Variants in CDH1 observed in about 807,000 individuals in gnomAD.
The protein encoded by CDH1 is cadherin-1.
Under a neutral mutation model 84.5 loss-of-function variants are expected in CDH1, and 35 were observed. That is an observed-to-expected ratio of 0.41 (90% CI 0.32 to 0.55). The LOEUF (loss-of-function observed/expected upper bound fraction) is 0.55. CDH1 is among the 20% of genes least tolerant of loss of function. The pLI, the probability that CDH1 is intolerant of heterozygous loss-of-function variation, is 0.19. For synonymous variants in CDH1, 417 were observed against 439.0 expected, an observed-to-expected ratio of 0.95 and a Z score of 0.63; for missense variants, 994 against 1,126.6, an observed-to-expected ratio of 0.88 and a Z score of 1.68.
intron 3 of CDH1, 28 bp from the exon 4 acceptor site, chr16:68,808,396 T>C (rs1440763986): frequency 6.2e-7 from 1 of 1,614,016 alleles, no homozygotes; most frequent in Admixed American, 1.7e-5. Flanking sequence ...AATTGTCTTA[T>C]CTTGTTCCTC....
At chr16:68,810,919 T>C (rs1471750657) in intron 6 of CDH1, among the ~76,000 whole-genome samples, 1 of 151,880 alleles carries the variant, frequency 6.6e-6, no homozygotes, top group Non-Finnish European at 1.5e-5. Context: ...TTGTCCAGGC[T>C]ACTTTCAAAC....
chr16:68,738,625 T>A (rs955141041), intron 2 of CDH1, among the ~76,000 whole-genome samples: 1 of 152,190 alleles, frequency 6.6e-6, no homozygotes, highest in African/African-American at 2.4e-5. Context: ...GACTATGTTA[T>A]AAAGAAGAGG....
At chr16:68,794,659 A>G (rs1349048471) in intron 2 of CDH1, among the ~76,000 whole-genome samples, 1 of 150,492 alleles carries the variant, frequency 6.6e-6, no homozygotes, top group Non-Finnish European at 1.5e-5. Context: ...ATCTAGGACT[A>G]CAGGTGCACC....
At chr16:68,824,211 G>A (rs1314106914) in intron 13 of CDH1, among the ~76,000 whole-genome samples, 1 of 151,966 alleles carries the variant, frequency 6.6e-6, no homozygotes, top group Non-Finnish European at 1.5e-5. Context: ...TGGTTAGGCT[G>A]GTCTCAGACT....
At chr16:68,788,191 T>G (rs1258661160) in intron 2 of CDH1, among the ~76,000 whole-genome samples, 2 of 152,184 alleles carry the variant, frequency 1.3e-5, no homozygotes, top group African/African-American at 4.8e-5. Flanking sequence ...TTGGCATTTT[T>G]GGGTGCCTGG....
chr16:68,834,482 G>T lies in CDH1; in HGVS notation c.*983G>T. The T allele has an allele frequency of 6.6e-6, 2 of 303,790 alleles. No homozygotes were observed. Among genetic ancestry groups the T allele is most frequent in the Non-Finnish European group, 1.3e-5 (2 of 157,104 alleles). 18.8% of individuals were successfully genotyped at this position (303,790 alleles called of 1,614,324 possible). On this transcript the variant is annotated 3_prime_UTR_variant, in exon 16 of 16. Coordinates refer to ENST00000261769, the MANE Select transcript of CDH1 (RefSeq NM_004360.5). ...TCCTTCTGCCTTGGCCCCCCAAAGT[G>T]CTGGGATTGTGGGCATGAGCTGCTG... is the stretch of plus-strand genomic sequence containing the variant.
At position 68,801,869 on chromosome 16, in the gene CDH1, C is replaced by T. The variant is rs781427897; in HGVS notation, c.363C>T (p.His121=). ...STKVTLNTVG[H]HHRPPPHQAS... is the part of the protein sequence containing the mutation. ...AAGTCACGCTGAATACAGTGGGGCA[C>T]CACCACCGCCCCCCGCCCCATCAGG... Residue 121 remains histidine, a synonymous_variant, in exon 3 of 16, where the codon CAC becomes CAT. Transcript: ENST00000261769. 1.9e-6 allele frequency: 3 copies of T among 1,614,040 alleles called. No individual in the cohort carries two copies. Among genetic ancestry groups the T allele is most frequent in the Non-Finnish European group, 2.5e-6 (3 of 1,179,886 alleles).
In CDH1 at chr16:68,829,800, A is replaced by G. The variant is rs776613678; in HGVS notation, c.2439+3A>G. 6.2e-7 allele frequency: 1 copy of G among 1,613,712 alleles called. No individual in the cohort carries two copies. The highest frequency in any genetic ancestry group is 1.3e-5 in the African/African-American group (1 of 74,894). ...AAATTGGAAATTTTATTGATGAAGT[A>G]AGTAATCCACGTGGAAAGCCAAAGC... On this transcript the variant is annotated splice_donor_region_variant and intron_variant, in intron 15 of 15. Coordinates refer to ENST00000261769, the MANE Select transcript of CDH1 (RefSeq NM_004360.5).
Position 68,833,589 on chromosome 16 carries a change from T to A in CDH1, c.*90T>A. 1 of 1,009,192 alleles carries A rather than the reference T, an allele frequency of 9.9e-7. No individual in the cohort carries two copies. The highest frequency in any genetic ancestry group is 1.6e-6 in the Non-Finnish European group (1 of 635,976). The allele number at this position is 1,009,192 out of a possible 1,614,324, so 62.5% of individuals were successfully genotyped here. On this transcript the variant is annotated 3_prime_UTR_variant, in exon 16 of 16. Transcript: ENST00000261769. ...GTTTTTCAGCTCCCTTCCCTTGAGA[T>A]GAGTTTCTGGGGAAAAAAAAGAGAC...
chr16:68,808,346 C>G (rs2152129463), intron 3 of CDH1, 78 bp from the exon 4 acceptor site: 2 of 1,478,240 alleles, frequency 1.4e-6, no homozygotes, highest in Non-Finnish European at 1.9e-6. Flanking sequence ...GGGACGCTGT[C>G]TGGCTAGGTT....
intron 2 of CDH1, among the ~76,000 whole-genome samples, chr16:68,774,785 A>G (rs1959681690): frequency 6.6e-6 from 1 of 152,166 alleles, no homozygotes. Context: ...TCACCAACTG[A>G]TGGGACTTTT....
At chr16:68,816,036 A>G (rs1410735619) in intron 10 of CDH1, among the ~76,000 whole-genome samples, 1 of 151,582 alleles carries the variant, frequency 6.6e-6, no homozygotes, top group Non-Finnish European at 1.5e-5. Context: ...TGTTTTTTTG[A>G]GTTTGGAGTC....
chr16:68,823,285 C>T (rs1032608002), intron 12 of CDH1, 114 bp from the exon 13 acceptor site: 12 of 760,946 alleles, frequency 1.6e-5, no homozygotes, highest in Non-Finnish European at 2.8e-5. Flanking sequence ...CCAAGCAGCT[C>T]TGCTCTCTTC....
chr16:68,833,553 C>T lies in CDH1; in HGVS notation c.*54C>T, dbSNP rs1801026. On this transcript the variant is annotated 3_prime_UTR_variant, in exon 16 of 16. Transcript: ENST00000261769. ...CATGTGCTGGGAAATGCAGAAATCACGTTGCTGGTGGTTTTTCAGCTCCCT... is the reference window on the plus strand; with the variant it reads ...CATGTGCTGGGAAATGCAGAAATCATGTTGCTGGTGGTTTTTCAGCTCCCT... The T allele has an allele frequency of 0.15, 221,807 of 1,447,396 alleles. 17,670 individuals carry two copies. The highest frequency in any genetic ancestry group is 0.2 in the African/African-American group (14,146 of 71,632). 89.7% of individuals were successfully genotyped at this position (1,447,396 alleles called of 1,614,324 possible).
intron 5 of CDH1, 88 bp from the exon 6 acceptor site, chr16:68,810,109 A>T: frequency 7.0e-7 from 1 of 1,426,276 alleles, no homozygotes. Context: ...TGTGGCAGCC[A>T]GGGGGGCGCA....
chr16:68,738,269 G>A (rs2152114297), intron 1 of CDH1, 28 bp from the exon 2 acceptor site: 1 of 1,419,780 alleles, frequency 7.0e-7, no homozygotes, highest in Non-Finnish European at 9.7e-7. Context: ...CGAGTCACCC[G>A]GTTCCATCTA....
At chr16:68,824,113 T>C (rs562153345) in intron 13 of CDH1, among the ~76,000 whole-genome samples, 76 of 146,830 alleles carry the variant, frequency 5.2e-4, no homozygotes, top group Non-Finnish European at 8.0e-4. Flanking sequence ...TTCTCCCGCC[T>C]CAGCCTCCTG....
intron 2 of CDH1, 124 bp downstream of exon 2, chr16:68,738,535 C>A: frequency 1.6e-6 from 1 of 628,954 alleles, no homozygotes; most frequent in Admixed American, 2.9e-5. Flanking sequence ...AACGACACCC[C>A]TTGGAATTTA....
chr16:68,746,446 C>T (rs944091239), intron 2 of CDH1, among the ~76,000 whole-genome samples: 12 of 151,672 alleles, frequency 7.9e-5, no homozygotes, highest in African/African-American at 2.9e-4. Context: ...AATAAATAAG[C>T]AAGCTCCTCA....
Sources: allele counts gnomAD v4.1 joint callset (sites outside exome capture counted in the v4.1 genomes callset), GRCh38; gene constraint gnomAD v4.1.1; transcripts MANE v1.5; gene names NCBI Gene and HGNC (gene_info 2026-07-23, HGNC 2026-07-21).